The following LIN7C variants were observed in gnomAD, a reference collection of about 807,000 sequenced individuals.
The protein encoded by LIN7C is protein lin-7 homolog C.
Under a neutral mutation model 24.7 loss-of-function variants are expected in LIN7C, and 17 were observed. The observed-to-expected ratio is 0.69, with a 90% CI of 0.47 to 1.03. The LOEUF is 1.03. LIN7C is among the 50% of genes least tolerant of loss of function. LIN7C has a pLI of 0.00. For missense variants in LIN7C, 204 were observed against 239.0 expected (o/e 0.85, Z 0.97); for synonymous variants, 90 against 83.4 (o/e 1.08, Z -0.43).
intron 1 of LIN7C, among the ~76,000 whole-genome samples, chr11:27,503,514 ATATT>A (rs1483093030): frequency 6.6e-6 from 1 of 151,988 alleles, no homozygotes; most frequent in Non-Finnish European, 1.5e-5. Context: ...GTAAAGAAAG[ATATT>A]TATTTATTTA....
At position 27,499,862 on chromosome 11, in the gene LIN7C, C is replaced by T. The variant is rs370079089; in HGVS notation, c.229-294G>A. 5.9e-5 allele frequency among the ~76,000 whole-genome samples: 9 copies of T among 152,266 alleles called. No individual in the cohort carries two copies. In the East Asian group the frequency reaches 1.5e-3, roughly 26 times the overall value. ...CAGGATGGTCTCGATCTCCTGACCT[C>T]GTGATCCGCCCGCCTTGGCCTCCCA... On this transcript the variant is annotated intron_variant, in intron 3 of 4. Coordinates refer to ENST00000278193, the MANE Select transcript of LIN7C (RefSeq NM_018362.4).
chr11:27,502,036 G>A lies in LIN7C; in HGVS notation c.38-116C>T, dbSNP rs1480517984. 10 of 642,668 alleles carry A rather than the reference G, an allele frequency of 1.6e-5. No homozygotes were observed. In the East Asian group the frequency reaches 1.8e-4, roughly 12 times the overall value. The allele number at this position is 642,668 out of a possible 1,614,324, so 39.8% of individuals were successfully genotyped here. On this transcript the variant is annotated intron_variant, in intron 1 of 4. Coordinates refer to ENST00000278193, the MANE Select transcript of LIN7C (RefSeq NM_018362.4). Reference sequence around the variant, plus strand: ...GCAAATAATATACAGACAATCGAGGGGAAAAAAAGCATTGAATTTGCACAT... The same window carrying A: ...GCAAATAATATACAGACAATCGAGGAGAAAAAAAGCATTGAATTTGCACAT...
chr11:27,505,016 C>A (rs936966), intron 1 of LIN7C, among the ~76,000 whole-genome samples: 2,552 of 152,230 alleles, frequency 0.017, 65 homozygotes, highest in African/African-American at 0.058. Flanking sequence ...CACAGAAGTT[C>A]CACATTTTGT....
In LIN7C at chr11:27,499,501, G is replaced by C. The variant is rs781383952; in HGVS notation, c.296C>G (p.Thr99Arg). The C allele has an allele frequency of 8.1e-6, 13 of 1,614,184 alleles. No individual in the cohort carries two copies. Among genetic ancestry groups the C allele is most frequent in the Non-Finnish European group, 1.1e-5 (13 of 1,180,030 alleles). The change falls in exon 4 of 5, where the codon ACA becomes AGA. Residue 99 changes from threonine (T) to arginine (R), a missense_variant. By Grantham distance (71) the Thr-to-Arg change is moderately conservative. This residue lies in a region of LIN7C where 126 missense variants were observed against 117.8 expected (regional missense o/e 1.07). Transcript: ENST00000278193. ...AATATTGAATCCAAGGCCCTCTTCT[G>C]TTTTTGGTAGCTCAACAACTCGAGG... is the stretch of plus-strand genomic sequence containing the variant. ...SHPRVVELPK[T>R]EEGLGFNIMG...
chr11:27,501,808 C>A lies in LIN7C; in HGVS notation c.150G>T (p.Val50=), dbSNP rs1361922031. 6.3e-7 allele frequency: 1 copy of A among 1,598,006 alleles called. No individual in the cohort carries two copies. The highest frequency in any genetic ancestry group is 1.3e-5 in the African/African-American group (1 of 74,666). ...RVLQSEFCNA[V]REVYEHVYET... Reference sequence around the variant, plus strand: ...TTTAATGATGTTTACTCACCTCTCTCACAGCATTGCAGAATTCACTTTGAA... The same window carrying A: ...TTTAATGATGTTTACTCACCTCTCTAACAGCATTGCAGAATTCACTTTGAA... The change falls in exon 2 of 5, where the codon GTG becomes GTT. Residue 50 remains valine, a synonymous_variant. Transcript: ENST00000278193.
Position 27,503,107 on chromosome 11 carries a change from C to T in LIN7C, c.38-1187G>A, listed in dbSNP as rs376856489. Reference sequence around the variant, plus strand: ...TCCAGCCTGGGTGACAAGAGTGAAACTCCATCTACAAAAAACCAAACAAAA... The same window carrying T: ...TCCAGCCTGGGTGACAAGAGTGAAATTCCATCTACAAAAAACCAAACAAAA... On this transcript the variant is annotated intron_variant, in intron 1 of 4. Coordinates refer to ENST00000278193, the MANE Select transcript of LIN7C (RefSeq NM_018362.4). Among the ~76,000 whole-genome samples, 10 of 152,166 alleles carry T rather than the reference C, an allele frequency of 6.6e-5. No individual in the cohort carries two copies. The East Asian group carries it at 7.7e-4, about 12-fold the overall frequency.
At position 27,499,516 on chromosome 11, in the gene LIN7C, A is replaced by G. The variant is rs761431180; in HGVS notation, c.281T>C (p.Val94Ala). Residue 94 changes from valine to alanine, a missense_variant, in exon 4 of 5, where the codon GTT (valine) becomes GCT (alanine). Physicochemically the swap from Val to Ala is moderately conservative, Grantham distance 64. Coordinates refer to ENST00000278193, the MANE Select transcript of LIN7C (RefSeq NM_018362.4). Reference protein sequence around the residue: ...ASEGHSHPRVVELPKTEEGLG... With the variant: ...ASEGHSHPRVAELPKTEEGLG... ...GCCCTCTTCTGTTTTTGGTAGCTCA[A>G]CAACTCGAGGATGAGAATGTCCTTC... The G allele has an allele frequency of 1.9e-6, 3 of 1,614,212 alleles. No individual in the cohort carries two copies. The highest frequency in any genetic ancestry group is 2.5e-6 in the Non-Finnish European group (3 of 1,180,040).
intron 1 of LIN7C, 29 bp downstream of exon 1, chr11:27,506,687 C>A: frequency 6.2e-7 from 1 of 1,613,322 alleles, no homozygotes; most frequent in Non-Finnish European, 8.5e-7. Flanking sequence ...CCCTTCCGCC[C>A]ACCTCCGCCG....
rs773412486 is a variant in LIN7C, at chr11:27,494,987, T to C, written c.*3662A>G. 6.6e-6 allele frequency: 1 copy of C among 152,620 alleles called. No homozygotes were observed. Among genetic ancestry groups the C allele is most frequent in the Admixed American group, 6.5e-5 (1 of 15,282 alleles). 9.5% of individuals were successfully genotyped at this position (152,620 alleles called of 1,614,324 possible). Reference sequence around the variant, plus strand: ...CCACATTATAAAATATTCACAAACATGTAGTTTTTTAAGTCTACACCAGGT... The same window carrying C: ...CCACATTATAAAATATTCACAAACACGTAGTTTTTTAAGTCTACACCAGGT... On this transcript the variant is annotated 3_prime_UTR_variant, in exon 5 of 5. Coordinates refer to ENST00000278193, the MANE Select transcript of LIN7C (RefSeq NM_018362.4).
intron 1 of LIN7C, among the ~76,000 whole-genome samples, chr11:27,504,410 AGAAG>A (rs1255404115): frequency 6.6e-6 from 1 of 152,244 alleles, no homozygotes; most frequent in African/African-American, 2.4e-5. Context: ...TTGATGATTT[AGAAG>A]GCACTCTAAA....
At chr11:27,502,525 T>C (rs1381497012) in intron 1 of LIN7C, among the ~76,000 whole-genome samples, 1 of 152,150 alleles carries the variant, frequency 6.6e-6, no homozygotes, top group Non-Finnish European at 1.5e-5. Flanking sequence ...TGATTTTTTT[T>C]CAACTTAATT....
intron 1 of LIN7C, among the ~76,000 whole-genome samples, chr11:27,506,008 G>A (rs1865285009): frequency 6.6e-6 from 1 of 152,198 alleles, no homozygotes; most frequent in East Asian, 1.9e-4. Context: ...CTCAGCAGAG[G>A]TGGTTTTATT....
intron 3 of LIN7C, among the ~76,000 whole-genome samples, chr11:27,500,392 T>C (rs1329458401): frequency 1.3e-5 from 2 of 152,144 alleles, no homozygotes; most frequent in South Asian, 2.1e-4. Context: ...AAGAAATAAC[T>C]CAATATTGAG....
In LIN7C at chr11:27,506,728, G is replaced by T. The variant is rs762989645; in HGVS notation, c.25C>A (p.Arg9=). Residue 9 remains arginine (R), a synonymous_variant, in exon 1 of 5, where the codon CGG becomes AGG. Coordinates refer to ENST00000278193, the MANE Select transcript of LIN7C (RefSeq NM_018362.4). ...CGGCTGCACTCACCTCTCTCCAGCC[G>T]CACGGGTTCCCCTAGCGCCGCCATC... The part of the protein sequence containing the change: MAALGEPV[R]LERDICRAIE... 1.3e-5 allele frequency: 21 copies of T among 1,614,042 alleles called. No homozygotes were observed. In the East Asian group the frequency reaches 3.3e-4, roughly 26 times the overall value.
intron 1 of LIN7C, 78 bp downstream of exon 1, chr11:27,506,638 T>C: frequency 6.6e-7 from 1 of 1,514,870 alleles, no homozygotes; most frequent in South Asian, 1.1e-5. Context: ...AGAGCCTGGG[T>C]CACTCCTCCT....
intron 1 of LIN7C, among the ~76,000 whole-genome samples, chr11:27,505,615 T>C (rs1217240766): frequency 6.6e-6 from 1 of 152,164 alleles, no homozygotes; most frequent in East Asian, 1.9e-4. Context: ...TCAGCAACAT[T>C]AAGTGCACAT....
rs941261944 is a variant in LIN7C, at chr11:27,499,372, G to A, written c.425C>T (p.Ser142Phe). The change falls in exon 4 of 5, where the codon TCT becomes TTT. Residue 142 changes from serine (S) to phenylalanine (F), a missense_variant. By Grantham distance (155) the Ser-to-Phe change is radical. Coordinates refer to ENST00000278193, the MANE Select transcript of LIN7C (RefSeq NM_018362.4). ...GGLKRGDQLL[S>F]VNGVSVEGEH... ...ATTCATCCTTACCACTCCATTAACA[G>A]AGAGGAGTTGATCTCCACGTTTGAG... 1 of 1,612,958 alleles carries A rather than the reference G, an allele frequency of 6.2e-7. No homozygotes were observed. The highest frequency in any genetic ancestry group is 1.3e-5 in the African/African-American group (1 of 74,886).
At chr11:27,506,693 C>T (rs778518628) in intron 1 of LIN7C, 23 bp downstream of exon 1, 2 of 1,613,578 alleles carry the variant, frequency 1.2e-6, no homozygotes, top group South Asian at 1.1e-5. Context: ...CGCCCACCTC[C>T]GCCGAGCCTC....
At chr11:27,502,844 G>T (rs1865238819) in intron 1 of LIN7C, among the ~76,000 whole-genome samples, 1 of 152,196 alleles carries the variant, frequency 6.6e-6, no homozygotes, top group Admixed American at 6.5e-5. Flanking sequence ...GGGAATAGTG[G>T]CTTATGCCTG....
Sources: gnomAD v4.1 joint callset for allele counts (sites outside exome capture counted in the v4.1 genomes callset) on GRCh38, gnomAD v4.1.1 for gene constraint, gnomAD v4.1.1 regional missense constraint, MANE v1.5 for transcripts, NCBI Gene and HGNC (gene_info 2026-07-23, HGNC 2026-07-21) for gene names.